MKNK1: variants seen among roughly 807,000 people sequenced by gnomAD.
The protein encoded by MKNK1 is MAP kinase-interacting serine/threonine-protein kinase 1.
In MKNK1, 30 loss-of-function variants were observed where a neutral mutation model predicts 49.3. That is an observed-to-expected ratio of 0.61 (90% confidence interval 0.46 to 0.83). The LOEUF (loss-of-function observed/expected upper bound fraction) is 0.83, where lower values mean the gene tolerates loss of function less well. Ranked by LOEUF, MKNK1 falls within the 40% of genes least tolerant of loss-of-function variation. MKNK1 has a pLI of 0.00. For synonymous variants in MKNK1, 176 were observed against 201.7 expected, an observed-to-expected ratio of 0.87 and a Z score of 1.08; for missense variants, 423 against 524.7, an observed-to-expected ratio of 0.81 and a Z score of 1.89.
intron 4 of MKNK1, among the ~76,000 whole-genome samples, chr1:46,579,067 A>G (rs567415645): frequency 1.2e-4 from 18 of 152,174 alleles, no homozygotes; most frequent in African/African-American, 4.1e-4. Flanking sequence ...TTTTCTATTT[A>G]CACTTAGGCG....
chr1:46,560,760 G>A (rs1182119070), intron 11 of MKNK1, among the ~76,000 whole-genome samples: 2 of 152,186 alleles, frequency 1.3e-5, no homozygotes, highest in Non-Finnish European at 1.5e-5. Flanking sequence ...CATGTGGCAG[G>A]TGCTCACTTA....
rs750902265 is a variant in MKNK1, at chr1:46,562,748, G to A, written c.705C>T (p.Gly235=). 7.5e-5 allele frequency: 120 copies of A among 1,607,320 alleles called. No homozygotes were observed. Among genetic ancestry groups the A allele is most frequent in the Non-Finnish European group, 9.1e-5 (107 of 1,176,538 alleles). The change falls in exon 10 of 13, where the codon GGC becomes GGT. Residue 235 remains glycine, a synonymous_variant. Transcript: ENST00000371945. The part of the protein sequence containing the change: ...YDKRCDLWSL[G]VVLYIMLSGY... ...CACTCAGCATGATGTAGAGGACCAC[G>A]CCCAGGCTCCACAGGTCACAGCGCT...
intron 2 of MKNK1, chr1:46,584,374 G>C (rs1333324157): frequency 2.0e-5 from 3 of 152,258 alleles, no homozygotes; most frequent in South Asian, 2.1e-4. Context: ...ATCCCCACCA[G>C]CGTGATTAAA....
Position 46,558,436 on chromosome 1 carries a change from C to A in MKNK1, c.*139G>T, listed in dbSNP as rs1200403789. 2 of 857,268 alleles carry A rather than the reference C, an allele frequency of 2.3e-6. No individual in the cohort carries two copies. Among genetic ancestry groups the A allele is most frequent in the Non-Finnish European group, 3.5e-6 (2 of 576,962 alleles). 53.1% of individuals were successfully genotyped at this position (857,268 alleles called of 1,614,324 possible). On this transcript the variant is annotated 3_prime_UTR_variant, in exon 13 of 13. Transcript: ENST00000371945. ...GGGAAATGGGGGTTGATGGGAACCT[C>A]AGGGCCTTCGTAGATGAAAAAGCCT...
At chr1:46,565,213 G>A in intron 8 of MKNK1, 77 bp from the exon 9 acceptor site, 1 of 1,329,022 alleles carries the variant, frequency 7.5e-7, no homozygotes, top group Admixed American at 1.7e-5. Flanking sequence ...GGCTGTACGG[G>A]TGCATGGCTC....
At chr1:46,582,207 A>C (rs1671851290) in intron 3 of MKNK1, among the ~76,000 whole-genome samples, 1 of 152,106 alleles carries the variant, frequency 6.6e-6, no homozygotes. Context: ...AGACACACAC[A>C]CACAGACACA....
chr1:46,598,052 T>C (rs1441187777), intron 1 of MKNK1, among the ~76,000 whole-genome samples: 6 of 152,252 alleles, frequency 3.9e-5, no homozygotes, highest in Non-Finnish European at 5.9e-5. Flanking sequence ...GAGAAAATCT[T>C]GATCTCATCC....
intron 1 of MKNK1, chr1:46,594,853 C>T: frequency 2.4e-6 from 1 of 417,136 alleles, no homozygotes. Context: ...ATTAGCCAGG[C>T]ATGGTGGCAC....
intron 2 of MKNK1, 21 bp downstream of exon 2, chr1:46,594,091 TA>T: frequency 6.4e-7 from 1 of 1,570,512 alleles, no homozygotes; most frequent in Non-Finnish European, 8.8e-7. Flanking sequence ...AAAGGATAAC[TA>T]AAATGTACAC....
chr1:46,586,435 C>T (rs1486220854), intron 2 of MKNK1, among the ~76,000 whole-genome samples: 3 of 152,090 alleles, frequency 2.0e-5, no homozygotes, highest in African/African-American at 2.4e-5. Flanking sequence ...AAACACCCTG[C>T]GAGAAGCTCC....
At chr1:46,566,169 C>A (rs936463971) in intron 8 of MKNK1, among the ~76,000 whole-genome samples, 3 of 152,208 alleles carry the variant, frequency 2.0e-5, no homozygotes, top group Admixed American at 2.0e-4. Flanking sequence ...GGGTAACTTC[C>A]AATCTGACTT....
In MKNK1 at chr1:46,589,840, T is replaced by C. The variant is rs1040693120; in HGVS notation, c.-3+4273A>G. Among the ~76,000 whole-genome samples, 3 of 152,146 alleles carry C rather than the reference T, an allele frequency of 2.0e-5. No homozygotes were observed. Among genetic ancestry groups the C allele is most frequent in the Non-Finnish European group, 4.4e-5 (3 of 68,022 alleles). The stretch of plus-strand genomic sequence containing the variant: ...CTTCTCCATAGTCTTATGAGCCACA[T>C]TGTCCCCAAAGGAACCAGATCTGTA... On this transcript the variant is annotated intron_variant, in intron 2 of 12. Coordinates refer to ENST00000371945, the MANE Select transcript of MKNK1 (RefSeq NM_001135553.4). The surrounding 1 kb of genome is among the most constrained non-coding windows in gnomAD (Gnocchi z 4.3).
intron 8 of MKNK1, chr1:46,565,357 G>C (rs1668879800): frequency 1.8e-6 from 1 of 560,610 alleles, no homozygotes; most frequent in African/African-American, 1.9e-5. Context: ...GGGAAAAATG[G>C]GTGGACTATT....
chr1:46,594,567 G>A (rs1415948597), intron 1 of MKNK1, among the ~76,000 whole-genome samples: 1 of 152,198 alleles, frequency 6.6e-6, no homozygotes, highest in Non-Finnish European at 1.5e-5. Context: ...TTAAGCACTG[G>A]AAGATTTAAC....
intron 1 of MKNK1, among the ~76,000 whole-genome samples, chr1:46,600,588 T>C (rs1570350705): frequency 6.6e-6 from 1 of 152,238 alleles, no homozygotes; most frequent in East Asian, 1.9e-4. Context: ...CTCCAGCATA[T>C]AAGGAGACAT....
intron 11 of MKNK1, 62 bp from the exon 12 acceptor site, chr1:46,560,339 A>G: frequency 5.7e-6 from 9 of 1,572,618 alleles, no homozygotes; most frequent in African/African-American, 1.3e-5. Context: ...GAACTGCCCC[A>G]CCCAAGCCAG....
rs923365321 is a variant in MKNK1, at chr1:46,604,213, G to A, written c.-199C>T. On this transcript the variant is annotated 5_prime_UTR_variant, in exon 1 of 13. Transcript: ENST00000371945. ...CGCTGGCTCCCGCCGGGGAGCGGTC[G>A]CGCGCACCCCTACCTGCAGATCGCT... 6.6e-6 allele frequency: 1 copy of A among 152,278 alleles called. No individual in the cohort carries two copies. Among genetic ancestry groups the A allele is most frequent in the Non-Finnish European group, 1.5e-5 (1 of 68,096 alleles). 9.4% of individuals were successfully genotyped at this position (152,278 alleles called of 1,614,324 possible). A position where few individuals can be genotyped will look rare whatever the true frequency, so the allele number is the denominator to read the frequency against.
rs772620197 is a variant in MKNK1, at chr1:46,580,574, G to A, written c.154C>T (p.Gln52Ter). 1 of 1,614,134 alleles carries A rather than the reference G, an allele frequency of 6.2e-7. No homozygotes were observed. Among genetic ancestry groups the A allele is most frequent in the Admixed American group, 1.7e-5 (1 of 60,020 alleles). Reference sequence around the variant, plus strand: ...CCATTCTGTAGGCTCACGGCACCTTGAACTTTGGCATAGGCTCCCTCTCCA... The same window carrying A: ...CCATTCTGTAGGCTCACGGCACCTTAAACTTTGGCATAGGCTCCCTCTCCA... ...LLGEGAYAKV[Q>*]GAVSLQNGKE... The change falls in exon 4 of 13, where the codon CAA becomes TAA. Residue 52 changes from glutamine (Q) to a stop codon, truncating the protein, a stop_gained. Transcript: ENST00000371945. LOFTEE classifies it high-confidence loss of function.
chr1:46,580,401 C>T (rs1671555940), intron 4 of MKNK1, 129 bp downstream of exon 4: 3 of 705,064 alleles, frequency 4.3e-6, no homozygotes, highest in South Asian at 1.7e-5. Flanking sequence ...GTAGAGAAAC[C>T]AAGATTTGAA....
Sources: allele counts gnomAD v4.1 joint callset (sites outside exome capture counted in the v4.1 genomes callset), GRCh38; gene constraint gnomAD v4.1.1; non-coding constraint Gnocchi (gnomAD v3.1); transcripts MANE v1.5; gene names NCBI Gene and HGNC (gene_info 2026-07-23, HGNC 2026-07-21).